Variants in MCM5 observed in about 807,000 individuals in gnomAD.
MCM5 encodes the protein minichromosome maintenance complex component 5, also known as DNA replication licensing factor MCM5.
MCM5 carries 46 observed loss-of-function variants against 79.9 expected under a neutral mutation model. That is an observed-to-expected ratio of 0.58 (90% CI 0.45 to 0.74). The LOEUF is 0.74. MCM5 is among the 30% of genes least tolerant of loss of function. The probability of loss-of-function intolerance (pLI) is 0.00; values close to 1 mark genes in which losing one functional copy is unlikely to be tolerated. For missense variants in MCM5, 883 were observed against 1,017.0 expected (o/e 0.87, Z 1.79); for synonymous variants, 404 against 390.5 (o/e 1.03, Z -0.41).
At position 35,423,295 on chromosome 22, in the gene MCM5, G is replaced by T; in HGVS notation, c.2057G>T (p.Gly686Val). 6.2e-7 allele frequency: 1 copy of T among 1,608,628 alleles called. No individual in the cohort carries two copies. The highest frequency in any genetic ancestry group is 8.5e-7 in the Non-Finnish European group (1 of 1,176,712). ...EKQLKRRFAI[G>V]SQVSEHSIIK... ...CAGCTCAAGCGCCGCTTTGCCATTGGCTCCCAGGTGTCTGAGCACAGCATC... is the reference window on the plus strand; with the variant it reads ...CAGCTCAAGCGCCGCTTTGCCATTGTCTCCCAGGTGTCTGAGCACAGCATC... Residue 686 changes from glycine (G) to valine (V), a missense_variant, in exon 16 of 17, where the codon GGC (glycine) becomes GTC (valine). By Grantham distance (109) the Gly-to-Val change is moderately radical. Transcript: ENST00000216122.
chr22:35,434,815 T>G, the MCM5 span, among the ~76,000 whole-genome samples: 1 of 152,302 alleles, frequency 6.6e-6, no homozygotes, highest in East Asian at 1.9e-4. Flanking sequence ...TCCCCATCTT[T>G]ACCCCGACAA....
At chr22:35,407,957 A>G (rs917770219) in intron 5 of MCM5, among the ~76,000 whole-genome samples, 13 of 152,152 alleles carry the variant, frequency 8.5e-5, no homozygotes, top group African/African-American at 3.1e-4. Context: ...TGTTGCTATA[A>G]TATCTATTGA....
At chr22:35,412,703 G>T in intron 8 of MCM5, 22 bp downstream of exon 8, 1 of 1,420,144 alleles carries the variant, frequency 7.0e-7, no homozygotes, top group Non-Finnish European at 9.3e-7. Context: ...AGTTCCCTTG[G>T]GTTTGGGGAG....
At chr22:35,443,071 C>A in the MCM5 span, among the ~76,000 whole-genome samples, 1 of 152,216 alleles carries the variant, frequency 6.6e-6, no homozygotes, top group African/African-American at 2.4e-5. Flanking sequence ...CTGAGGACCA[C>A]ACTCTCCCTC....
downstream of MCM5, among the ~76,000 whole-genome samples, chr22:35,428,989 T>TC (rs929194719): frequency 1.4e-4 from 19 of 138,016 alleles, no homozygotes; most frequent in South Asian, 1.7e-3. Context: ...TTTTTTTTTT[T>TC]TTTTTTTTCT....
chr22:35,427,668 G>A (rs998253759), downstream of MCM5, among the ~76,000 whole-genome samples: 4 of 151,926 alleles, frequency 2.6e-5, no homozygotes, highest in South Asian at 8.3e-4. Flanking sequence ...ATCTACATTA[G>A]GTATTTCTTC....
intron 8 of MCM5, 37 bp downstream of exon 8, chr22:35,412,718 C>G: frequency 7.1e-7 from 1 of 1,406,388 alleles, no homozygotes; most frequent in Non-Finnish European, 9.4e-7. Flanking sequence ...GGGGAGGCGG[C>G]TGATGATGGG....
At chr22:35,416,438 G>T in intron 11 of MCM5, 34 bp downstream of exon 11, 1 of 1,606,800 alleles carries the variant, frequency 6.2e-7, no homozygotes, top group Non-Finnish European at 8.5e-7. Context: ...CCAGCCTGCA[G>T]CAGCCCAGCG....
In MCM5 at chr22:35,403,328, C is replaced by T. The variant is rs1371880974; in HGVS notation, c.289C>T (p.Gln97Ter). The change falls in exon 3 of 17, where the codon CAG becomes TAG. Residue 97 changes from glutamine to a stop codon, truncating the protein, a stop_gained. Transcript: ENST00000216122. LOFTEE classifies it high-confidence loss of function. ...YLYKQPAEHL[Q>*]LLEEAAKEVA... Reference sequence around the variant, plus strand: ...GTACAAGCAGCCAGCCGAGCACCTGCAGCTGGTGAGTGGGACCCCATCCCT... The same window carrying T: ...GTACAAGCAGCCAGCCGAGCACCTGTAGCTGGTGAGTGGGACCCCATCCCT... 2 of 1,614,172 alleles carry T rather than the reference C, an allele frequency of 1.2e-6. No homozygotes were observed. Among genetic ancestry groups the T allele is most frequent in the East Asian group, 2.2e-5 (1 of 44,890 alleles).
chr22:35,423,020 C>T, intron 15 of MCM5, 194 bp from the exon 16 acceptor site: 1 of 456,946 alleles, frequency 2.2e-6, no homozygotes, highest in Non-Finnish European at 3.8e-6. Flanking sequence ...TTGTGCTTGG[C>T]CTGGAGTGTC....
Position 35,416,701 on chromosome 22 carries a change from G to A in MCM5, c.1477G>A (p.Gly493Ser). The A allele has an allele frequency of 3.1e-6, 5 of 1,614,110 alleles. No individual in the cohort carries two copies. Among genetic ancestry groups the A allele is most frequent in the South Asian group, 1.1e-5 (1 of 91,074 alleles). Residue 493 changes from glycine (G) to serine (S), a missense_variant, in exon 12 of 17, where the codon GGC (glycine) becomes AGC (serine). By Grantham distance (56) the Gly-to-Ser change is moderately conservative. Transcript: ENST00000216122. ...SVLAAANSVF[G>S]RWDETKGEDN... The stretch of plus-strand genomic sequence containing the variant: ...CCTGGCTGCTGCCAACTCAGTGTTC[G>A]GCCGCTGGGATGAGACGAAGGGGGA...
At chr22:35,431,417 C>T in the MCM5 span, among the ~76,000 whole-genome samples, 1 of 152,154 alleles carries the variant, frequency 6.6e-6, no homozygotes, top group African/African-American at 2.4e-5. Context: ...ATCTTGGAGG[C>T]TTAGAAGGCT....
chr22:35,451,561 C>T, the MCM5 span, among the ~76,000 whole-genome samples: 2 of 152,216 alleles, frequency 1.3e-5, no homozygotes, highest in African/African-American at 4.8e-5. Flanking sequence ...GTCTCCAGGT[C>T]GACCAGGTGA....
the MCM5 span, among the ~76,000 whole-genome samples, chr22:35,431,752 C>T: frequency 6.6e-6 from 1 of 152,294 alleles, no homozygotes; most frequent in East Asian, 1.9e-4. Context: ...TGGAACCCCC[C>T]AGCTTCAGGC....
At position 35,414,863 on chromosome 22, in the gene MCM5, C is replaced by T. The variant is rs544154081; in HGVS notation, c.1203+877C>T. Among the ~76,000 whole-genome samples the T allele has an allele frequency of 5.5e-4, 84 of 152,218 alleles. No homozygotes were observed. In the Middle Eastern group the frequency reaches 0.014, roughly 25 times the overall value. On this transcript the variant is annotated intron_variant, in intron 9 of 16. Coordinates refer to ENST00000216122, the MANE Select transcript of MCM5 (RefSeq NM_006739.4). ...CCAAGTGTCTGATGAGCTGGGTCCT[C>T]TGCTGCGTTGTTGAATGGGTCTGCG...
At chr22:35,414,336 C>G (rs938195932) in intron 9 of MCM5, among the ~76,000 whole-genome samples, 2 of 152,146 alleles carry the variant, frequency 1.3e-5, no homozygotes, top group Admixed American at 1.3e-4. Context: ...TAGCTAAAAT[C>G]TGGCTGGGCA....
chr22:35,443,441 G>A, the MCM5 span, among the ~76,000 whole-genome samples: 4 of 152,058 alleles, frequency 2.6e-5, no homozygotes, highest in Non-Finnish European at 4.4e-5. Flanking sequence ...CTTCCCCCTC[G>A]GCCTCCTAAA....
At position 35,412,617 on chromosome 22, in the gene MCM5, A is replaced by C. The variant is rs773193463; in HGVS notation, c.1027A>C (p.Ile343Leu). 20 of 1,576,986 alleles carry C rather than the reference A, an allele frequency of 1.3e-5. No homozygotes were observed. Among genetic ancestry groups the C allele is most frequent in the Non-Finnish European group, 1.5e-5 (17 of 1,158,424 alleles). The change falls in exon 8 of 17, where the codon ATC (isoleucine) becomes CTC (leucine). Residue 343 changes from isoleucine to leucine, a missense_variant. By Grantham distance (5) the Ile-to-Leu change is conservative (BLOSUM62 2). Around this residue, in one of 3 missense-constraint regions of MCM5, gnomAD observed 455 missense variants for 517.5 expected, o/e 0.88. Transcript: ENST00000216122. The stretch of plus-strand genomic sequence containing the variant: ...CATCTCCAAGAGCATCGCCCCCTCC[A>C]TCTTTGGGGGCACAGACATGAAGAA... The part of the protein sequence containing the change: ...EVISKSIAPS[I>L]FGGTDMKKAI...
chr22:35,400,443 C>T lies in MCM5; in HGVS notation c.5C>T (p.Ser2Leu), dbSNP rs535953237. Residue 2 changes from serine to leucine, a missense_variant, in exon 2 of 17, where the codon TCG (serine) becomes TTG (leucine). This residue lies in a region of MCM5 where 455 missense variants were observed against 517.5 expected (regional missense o/e 0.88). Coordinates refer to ENST00000216122, the MANE Select transcript of MCM5 (RefSeq NM_006739.4). MSGFDDPGIFYS... is the reference protein window; with the variant it reads MLGFDDPGIFYS... ...GTTCCCACCCCAGGCGCAGTCATGT[C>T]GGGATTCGACGATCCTGGCATTTTC... The T allele has an allele frequency of 2.5e-6, 4 of 1,614,038 alleles. No individual in the cohort carries two copies. The South Asian group carries it at 3.3e-5, about 13-fold the overall frequency.
Sources: allele counts gnomAD v4.1 joint callset (sites outside exome capture counted in the v4.1 genomes callset), GRCh38; gene constraint gnomAD v4.1.1; regional missense constraint gnomAD v4.1.1; transcripts MANE v1.5; gene names NCBI Gene and HGNC (gene_info 2026-07-23, HGNC 2026-07-21).